The following ALPK2 variants were observed in gnomAD, a reference collection of about 807,000 sequenced individuals.
ALPK2 encodes the protein alpha kinase 2, also known as alpha-protein kinase 2.
Under a neutral mutation model 163.1 loss-of-function variants are expected in ALPK2, and 127 were observed. The ratio of observed to expected loss-of-function variants is 0.78; its 90% CI spans 0.67 to 0.90. The LOEUF (loss-of-function observed/expected upper bound fraction) is 0.90, where lower values mean the gene tolerates loss of function less well. Ranked by LOEUF, ALPK2 falls within the 40% of genes least tolerant of loss-of-function variation. The probability of loss-of-function intolerance (pLI) is 0.00; values close to 1 mark genes in which losing one functional copy is unlikely to be tolerated. For synonymous variants in ALPK2, 953 were observed against 959.1 expected, an observed-to-expected ratio of 0.99 and a Z score of 0.12; for missense variants, 2,360 against 2,589.6, an observed-to-expected ratio of 0.91 and a Z score of 1.92.
chr18:58,519,594 A>G (rs1323863567), intron 8 of ALPK2, among the ~76,000 whole-genome samples: 3 of 152,244 alleles, frequency 2.0e-5, no homozygotes, highest in African/African-American at 7.2e-5. Flanking sequence ...ACGTGGTATA[A>G]TTAACAACCC....
intron 12 of ALPK2, among the ~76,000 whole-genome samples, chr18:58,488,049 G>A (rs1244292989): frequency 2.6e-5 from 4 of 151,982 alleles, no homozygotes; most frequent in Non-Finnish European, 5.9e-5. Context: ...GGGTATTGAT[G>A]TCACTGGTCC....
At chr18:58,587,747 T>C (rs1219869694) in intron 3 of ALPK2, among the ~76,000 whole-genome samples, 1 of 152,092 alleles carries the variant, frequency 6.6e-6, no homozygotes, top group African/African-American at 2.4e-5. Context: ...TGGAGCCTGA[T>C]GGTATACCAG....
chr18:58,546,856 A>G (rs974760947), intron 4 of ALPK2, among the ~76,000 whole-genome samples: 5 of 152,194 alleles, frequency 3.3e-5, no homozygotes. Flanking sequence ...ATAAGAAAAG[A>G]TGGTGCTATG....
intron 10 of ALPK2, among the ~76,000 whole-genome samples, chr18:58,508,343 A>G (rs1187229874): frequency 6.6e-6 from 1 of 152,232 alleles, no homozygotes; most frequent in Non-Finnish European, 1.5e-5. Flanking sequence ...GAGCAGCTCC[A>G]TCTTGAATAG....
At chr18:58,534,552 C>A (rs536466987) in intron 5 of ALPK2, among the ~76,000 whole-genome samples, 18 of 152,276 alleles carry the variant, frequency 1.2e-4, no homozygotes, top group Middle Eastern at 3.4e-3. Flanking sequence ...CTACAGGCGG[C>A]CTTTATCAGT....
At chr18:58,602,478 C>T (rs1191440306) in intron 3 of ALPK2, among the ~76,000 whole-genome samples, 20 of 152,202 alleles carry the variant, frequency 1.3e-4, no homozygotes, top group Non-Finnish European at 1.6e-4. Context: ...CCTTCCTAGC[C>T]TTTGGTGGCT....
intron 1 of ALPK2, among the ~76,000 whole-genome samples, chr18:58,621,492 C>T (rs956790911): frequency 2.0e-5 from 3 of 152,080 alleles, no homozygotes; most frequent in African/African-American, 2.4e-5. Context: ...AGGATGGTCT[C>T]GATCTCCTGA....
chr18:58,573,278 A>G (rs2051897281), intron 4 of ALPK2, among the ~76,000 whole-genome samples: 1 of 147,654 alleles, frequency 6.8e-6, no homozygotes, highest in Non-Finnish European at 1.5e-5. Context: ...ATATATGTAT[A>G]TATGTGTATA....
chr18:58,579,299 C>G lies in ALPK2; in HGVS notation c.1477G>C (p.Glu493Gln), dbSNP rs757582251. ...CCAGACAAGAGCTTCATCTCTGTCT[C>G]TCTTACTGATTCATCCATGTTGAGC... ...NLLNMDESVRETEMKLLSGES... is the reference protein window; with the variant it reads ...NLLNMDESVRQTEMKLLSGES... The change falls in exon 4 of 13, where the codon GAG becomes CAG. Residue 493 changes from glutamate to glutamine, a missense_variant. By Grantham distance (29) the Glu-to-Gln change is conservative. Transcript: ENST00000361673. 4.3e-6 allele frequency: 7 copies of G among 1,614,186 alleles called. No individual in the cohort carries two copies. Among genetic ancestry groups the G allele is most frequent in the Non-Finnish European group, 5.9e-6 (7 of 1,180,042 alleles).
At chr18:58,527,554 C>G (rs188250161) in intron 6 of ALPK2, among the ~76,000 whole-genome samples, 3 of 152,190 alleles carry the variant, frequency 2.0e-5, no homozygotes, top group African/African-American at 4.8e-5. Flanking sequence ...CGCAAATATT[C>G]AAGTGGTAAT....
chr18:58,542,174 T>C (rs2051693229), intron 4 of ALPK2, among the ~76,000 whole-genome samples: 1 of 152,216 alleles, frequency 6.6e-6, no homozygotes, highest in African/African-American at 2.4e-5. Flanking sequence ...CCCAGCTTAA[T>C]TGGATATAGC....
intron 4 of ALPK2, among the ~76,000 whole-genome samples, chr18:58,556,107 C>A (rs2051789464): frequency 6.6e-6 from 1 of 152,108 alleles, no homozygotes; most frequent in African/African-American, 2.4e-5. Context: ...CAGGTTTGAG[C>A]CACCACGCCC....
chr18:58,545,873 C>T (rs2051715072), intron 4 of ALPK2, among the ~76,000 whole-genome samples: 1 of 152,162 alleles, frequency 6.6e-6, no homozygotes, highest in South Asian at 2.1e-4. Flanking sequence ...GCTGTTGTAG[C>T]CTCCCCCACG....
Position 58,535,247 on chromosome 18 carries a change from C to T in ALPK2, c.4940G>A (p.Ser1647Asn), listed in dbSNP as rs767328658. 5.0e-6 allele frequency: 8 copies of T among 1,614,142 alleles called. No homozygotes were observed. The South Asian group carries it at 8.8e-5, about 18-fold the overall frequency. ...AAATGCCAAGGTCTTCGCTGAGGAG[C>T]TAGATGAGCTTGGGGGTTTGGTTTC... ...IGETKPPSSS[S>N]SSAKTLAFIS... Residue 1647 changes from serine to asparagine, a missense_variant, in exon 5 of 13, where the codon AGC becomes AAC. Ser to Asn is a conservative substitution (Grantham distance 46, BLOSUM62 1). Coordinates refer to ENST00000361673, the MANE Select transcript of ALPK2 (RefSeq NM_052947.4).
intron 1 of ALPK2, among the ~76,000 whole-genome samples, chr18:58,626,307 T>A (rs973801257): frequency 6.6e-6 from 1 of 152,176 alleles, no homozygotes; most frequent in Non-Finnish European, 1.5e-5. Context: ...CATTGTGTAC[T>A]TTTATCACTG....
At chr18:58,573,499 T>C (rs9959456) in intron 4 of ALPK2, among the ~76,000 whole-genome samples, 127,309 of 147,912 alleles carry the variant, frequency 0.86, 55,302 homozygotes, top group East Asian at 1. Flanking sequence ...CGGCCTTGGA[T>C]TCCCAAAGTA....
intron 8 of ALPK2, among the ~76,000 whole-genome samples, chr18:58,521,627 C>CTCTTTTTTTTTGT (rs59358600): frequency 1.8e-5 from 1 of 55,376 alleles, no homozygotes; most frequent in Admixed American, 2.5e-4. Flanking sequence ...TTCTCTCTCT[C>CTCTTTTTTTTTGT]TTTTTTTTTT....
At chr18:58,614,910 T>TC (rs1469838606) in intron 1 of ALPK2, among the ~76,000 whole-genome samples, 2 of 150,152 alleles carry the variant, frequency 1.3e-5, no homozygotes, top group South Asian at 2.1e-4. Context: ...ATTTCCACCC[T>TC]CCCCCCCAAC....
intron 10 of ALPK2, among the ~76,000 whole-genome samples, chr18:58,512,989 TG>T (rs2051501217): frequency 7.1e-6 from 1 of 140,862 alleles, no homozygotes; most frequent in Non-Finnish European, 1.5e-5. Context: ...GGTGTGTGTG[TG>T]GTGTGTGTTG....
Sources: allele counts gnomAD v4.1 joint callset (sites outside exome capture counted in the v4.1 genomes callset), GRCh38; gene constraint gnomAD v4.1.1; transcripts MANE v1.5; gene names NCBI Gene and HGNC (gene_info 2026-07-23, HGNC 2026-07-21).